MYO3A: variants seen among roughly 807,000 people sequenced by gnomAD.
MYO3A encodes the protein myosin-IIIa.
A neutral mutation model predicts 192.7 loss-of-function variants in MYO3A; 180 were observed. That is an observed-to-expected ratio of 0.93 (90% CI 0.83 to 1.06). The LOEUF (loss-of-function observed/expected upper bound fraction) is 1.06. Among genes scored for constraint, MYO3A ranks in the 50% least tolerant of loss-of-function variants. The probability of loss-of-function intolerance (pLI) is 0.00; values close to 1 mark genes in which losing one functional copy is unlikely to be tolerated. For synonymous variants in MYO3A, 628 were observed against 645.3 expected, an observed-to-expected ratio of 0.97 and a Z score of 0.41; for missense variants, 1,896 against 1,905.0, an observed-to-expected ratio of 1.00 and a Z score of 0.09.
rs771154512 is a variant in MYO3A at position 26,128,444 on chromosome 10, A to G, written c.2168A>G (p.Asn723Ser). 9.9e-6 allele frequency: 16 copies of G among 1,612,808 alleles called. No individual in the cohort carries two copies. The highest frequency in any genetic ancestry group is 1.3e-5 in the African/African-American group (1 of 74,902). Residue 723 changes from asparagine to serine, a missense_variant, in exon 20 of 35, where the codon AAT becomes AGT. Transcript: ENST00000642920. ...IGILDIFGFE[N>S]FKKNSFEQLC... is the part of the protein sequence containing the mutation. Reference sequence around the variant, plus strand: ...ATTCTTGATATATTTGGCTTTGAAAATTTCAAAAAAAATTCCTTCGAGCAG... The same window carrying G: ...ATTCTTGATATATTTGGCTTTGAAAGTTTCAAAAAAAATTCCTTCGAGCAG...
chr10:26,155,665 C>T (rs949209875), intron 25 of MYO3A, among the ~76,000 whole-genome samples: 20 of 152,062 alleles, frequency 1.3e-4, no homozygotes, highest in African/African-American at 4.1e-4. Context: ...TTTTTAAGTC[C>T]GAAGCTCATA....
chr10:26,006,990 C>A (rs1338292475), intron 6 of MYO3A, among the ~76,000 whole-genome samples: 2 of 146,920 alleles, frequency 1.4e-5, no homozygotes, highest in East Asian at 3.9e-4. Flanking sequence ...CAATAAAATA[C>A]TGGCAAACCG....
At chr10:26,116,179 A>G (rs1194096158) in intron 17 of MYO3A, among the ~76,000 whole-genome samples, 2 of 152,218 alleles carry the variant, frequency 1.3e-5, no homozygotes, top group Admixed American at 6.5e-5. Context: ...TATTGTTGAC[A>G]GCACAGGAGG....
intron 4 of MYO3A, among the ~76,000 whole-genome samples, chr10:25,983,452 T>C (rs1246501467): frequency 6.6e-6 from 1 of 151,748 alleles, no homozygotes; most frequent in Non-Finnish European, 1.5e-5. Context: ...AGAGACGGGG[T>C]TTCACCGTGT....
intron 10 of MYO3A, among the ~76,000 whole-genome samples, chr10:26,058,128 T>C (rs1023833988): frequency 6.6e-6 from 1 of 152,242 alleles, no homozygotes; most frequent in African/African-American, 2.4e-5. Context: ...AACGCTCTGT[T>C]CTCTGCCTAT....
At chr10:25,942,479 A>G (rs1039219395) in intron 2 of MYO3A, among the ~76,000 whole-genome samples, 1 of 152,184 alleles carries the variant, frequency 6.6e-6, no homozygotes, top group African/African-American at 2.4e-5. Flanking sequence ...TTTTTATCCT[A>G]TGGTAAGTCT....
intron 10 of MYO3A, among the ~76,000 whole-genome samples, chr10:26,026,921 C>T (rs897330214): frequency 2.0e-5 from 3 of 152,092 alleles, no homozygotes; most frequent in East Asian, 1.9e-4. Context: ...AGGATGGTCT[C>T]GATCTCCTGA....
chr10:26,074,563 CATT>C (rs1835410567), intron 14 of MYO3A, among the ~76,000 whole-genome samples: 1 of 122,432 alleles, frequency 8.2e-6, no homozygotes, highest in Non-Finnish European at 1.9e-5. Context: ...TTATATACTT[CATT>C]TTTTTCTTTT....
intron 7 of MYO3A, among the ~76,000 whole-genome samples, chr10:26,019,139 ATCT>A (rs1467427077): frequency 1.3e-5 from 2 of 151,550 alleles, no homozygotes; most frequent in Non-Finnish European, 2.9e-5. Flanking sequence ...TTCACTCCTC[ATCT>A]TTGCCTAAAC....
At chr10:26,041,097 A>G (rs1843322033) in intron 10 of MYO3A, among the ~76,000 whole-genome samples, 4 of 152,026 alleles carry the variant, frequency 2.6e-5, no homozygotes, top group African/African-American at 7.2e-5. Flanking sequence ...TATATTTACA[A>G]TTGTTATATC....
At chr10:26,196,615 A>G (rs1225550329) in intron 32 of MYO3A, among the ~76,000 whole-genome samples, 1 of 152,208 alleles carries the variant, frequency 6.6e-6, no homozygotes, top group African/African-American at 2.4e-5. Flanking sequence ...GGCATTACAC[A>G]TAGTGAAAAG....
At chr10:26,009,785 G>T (rs572400056) in intron 6 of MYO3A, among the ~76,000 whole-genome samples, 1 of 152,174 alleles carries the variant, frequency 6.6e-6, no homozygotes, top group Non-Finnish European at 1.5e-5. Flanking sequence ...TGTAAAACAA[G>T]TATTTTGGAC....
At chr10:26,053,298 T>G (rs552276273) in intron 10 of MYO3A, among the ~76,000 whole-genome samples, 10 of 152,334 alleles carry the variant, frequency 6.6e-5, no homozygotes, top group Admixed American at 2.6e-4. Context: ...AAAATACGTT[T>G]TCTTTGGTTT....
At chr10:26,044,502 T>A (rs554297307) in intron 10 of MYO3A, among the ~76,000 whole-genome samples, 2 of 152,248 alleles carry the variant, frequency 1.3e-5, no homozygotes, top group Middle Eastern at 6.3e-3. Context: ...TAAATACTCC[T>A]TCTTTGGGTG....
chr10:25,948,233 A>G (rs1836985749), intron 2 of MYO3A, among the ~76,000 whole-genome samples: 1 of 152,194 alleles, frequency 6.6e-6, no homozygotes, highest in Non-Finnish European at 1.5e-5. Flanking sequence ...TGGTTATTTT[A>G]TTAAAGAAGA....
chr10:26,089,715 A>T lies in MYO3A; in HGVS notation c.1562+1310A>T, dbSNP rs541110463. 2.4e-4 allele frequency among the ~76,000 whole-genome samples: 37 copies of T among 152,258 alleles called. No individual in the cohort carries two copies. The South Asian group carries it at 7.0e-3, about 29-fold the overall frequency. On this transcript the variant is annotated intron_variant, in intron 15 of 34. Coordinates refer to ENST00000642920, the MANE Select transcript of MYO3A (RefSeq NM_017433.5). ...TTTAAACCTTAAAGATTCTTACAGG[A>T]TCTTGGCTCTGTAATTCATTGTATG...
intron 17 of MYO3A, among the ~76,000 whole-genome samples, chr10:26,116,271 G>A (rs1050043737): frequency 3.3e-5 from 5 of 152,136 alleles, no homozygotes; most frequent in East Asian, 1.9e-4. Flanking sequence ...GCTCCGCTCC[G>A]AGTTTCTAGT....
chr10:26,119,242 G>A (rs905807298), intron 17 of MYO3A, among the ~76,000 whole-genome samples: 1 of 151,884 alleles, frequency 6.6e-6, no homozygotes, highest in African/African-American at 2.4e-5. Flanking sequence ...GCACTTTTTG[G>A]CTCTATTTTC....
chr10:26,086,144 A>G (rs143882565), intron 14 of MYO3A, among the ~76,000 whole-genome samples: 1 of 152,172 alleles, frequency 6.6e-6, no homozygotes, highest in South Asian at 2.1e-4. Flanking sequence ...ACAGCTCCAC[A>G]TGGCTGGGAA....
Sources: gnomAD v4.1 joint callset for allele counts (sites outside exome capture counted in the v4.1 genomes callset) on GRCh38, gnomAD v4.1.1 for gene constraint, MANE v1.5 for transcripts, NCBI Gene and HGNC (gene_info 2026-07-23, HGNC 2026-07-21) for gene names.